Variants in ZPBP observed in about 807,000 individuals in gnomAD.
The protein encoded by ZPBP is zona pellucida-binding protein 1.
A neutral mutation model predicts 44.8 loss-of-function variants in ZPBP; 26 were observed. The ratio of observed to expected loss-of-function variants is 0.58; its 90% confidence interval spans 0.43 to 0.81. The LOEUF (loss-of-function observed/expected upper bound fraction) is 0.81, where lower values mean the gene tolerates loss of function less well. ZPBP is among the 30% of genes least tolerant of loss of function. The pLI is 0.00. For synonymous variants in ZPBP, 174 were observed against 153.2 expected, an observed-to-expected ratio of 1.14 and a Z score of -1.00; for missense variants, 409 against 434.0, an observed-to-expected ratio of 0.94 and a Z score of 0.51.
At chr7:49,912,257 G>T in intron 1 of ZPBP, 1 of 1,478,454 alleles carries the variant, frequency 6.8e-7, no homozygotes, top group Admixed American at 2.0e-5. Context: ...GATGACTCTG[G>T]GAACTATCAG....
chr7:50,017,062 A>T (rs1307412015), intron 6 of ZPBP, among the ~76,000 whole-genome samples: 1 of 152,046 alleles, frequency 6.6e-6, no homozygotes, highest in African/African-American at 2.4e-5. Flanking sequence ...TTCGAGGGTG[A>T]CTCAAGGGCA....
At chr7:49,955,656 A>T (rs1795560194) in intron 7 of ZPBP, among the ~76,000 whole-genome samples, 1 of 152,182 alleles carries the variant, frequency 6.6e-6, no homozygotes, top group Non-Finnish European at 1.5e-5. Context: ...ATGAAATAGA[A>T]ATCAGATAAG....
intron 2 of ZPBP, among the ~76,000 whole-genome samples, chr7:49,858,037 G>A (rs1790498236): frequency 6.6e-6 from 1 of 152,088 alleles, no homozygotes; most frequent in South Asian, 2.1e-4. Context: ...GCTATACATG[G>A]TATTTCTAGT....
intron 2 of ZPBP, among the ~76,000 whole-genome samples, chr7:49,858,911 A>G (rs994674130): frequency 6.6e-6 from 1 of 152,172 alleles, no homozygotes; most frequent in Non-Finnish European, 1.5e-5. Context: ...ATTCATCCAC[A>G]TTGACAAAGG....
intron 2 of ZPBP, among the ~76,000 whole-genome samples, chr7:49,856,775 C>T (rs1790433533): frequency 1.3e-5 from 2 of 151,818 alleles, no homozygotes; most frequent in African/African-American, 2.4e-5. Flanking sequence ...ATTGGGAGGC[C>T]GAGGTGGGCG....
chr7:49,966,253 T>C (rs1796054311), intron 7 of ZPBP, among the ~76,000 whole-genome samples: 1 of 152,044 alleles, frequency 6.6e-6, no homozygotes. Context: ...AAGATTTAAG[T>C]AAAATTAACA....
At chr7:49,860,012 G>T (rs1373378308) in intron 2 of ZPBP, among the ~76,000 whole-genome samples, 1 of 151,596 alleles carries the variant, frequency 6.6e-6, no homozygotes, top group Non-Finnish European at 1.5e-5. Flanking sequence ...ATTTAATTAG[G>T]TACTCTTTAA....
At chr7:49,972,490 T>C (rs1272017382) in intron 7 of ZPBP, among the ~76,000 whole-genome samples, 1 of 151,910 alleles carries the variant, frequency 6.6e-6, no homozygotes, top group African/African-American at 2.4e-5. Flanking sequence ...TACAGTAACA[T>C]TAAAAAGAAT....
chr7:50,018,754 T>G (rs1422065438), intron 5 of ZPBP, among the ~76,000 whole-genome samples: 2 of 151,958 alleles, frequency 1.3e-5, no homozygotes, highest in Non-Finnish European at 2.9e-5. Flanking sequence ...ATCACAATAC[T>G]GGAAAGGGAA....
At chr7:50,021,642 T>C (rs983946001) in intron 5 of ZPBP, among the ~76,000 whole-genome samples, 2 of 152,014 alleles carry the variant, frequency 1.3e-5, no homozygotes, top group Non-Finnish European at 2.9e-5. Flanking sequence ...CCAAATTTGA[T>C]AAAACACATA....
At chr7:50,074,385 G>C (rs752043381) in intron 3 of ZPBP, among the ~76,000 whole-genome samples, 1 of 151,720 alleles carries the variant, frequency 6.6e-6, no homozygotes, top group Non-Finnish European at 1.5e-5. Flanking sequence ...GAGAAAACCA[G>C]AAAACAAATA....
intron 2 of ZPBP, among the ~76,000 whole-genome samples, chr7:49,871,211 AT>A (rs1434118851): frequency 2.0e-5 from 3 of 152,218 alleles, no homozygotes; most frequent in African/African-American, 7.2e-5. Context: ...TATTGTTGGT[AT>A]CTTAATGAGG....
chr7:50,083,762 T>A (rs1024915844), intron 2 of ZPBP, among the ~76,000 whole-genome samples: 1 of 151,978 alleles, frequency 6.6e-6, no homozygotes, highest in African/African-American at 2.4e-5. Flanking sequence ...AAATTATAGT[T>A]AAAAGTTATC....
chr7:50,092,029 T>C (rs560552301), intron 1 of ZPBP, among the ~76,000 whole-genome samples: 10 of 152,296 alleles, frequency 6.6e-5, no homozygotes, highest in African/African-American at 2.2e-4. Flanking sequence ...ACTGTATAAA[T>C]TGTAAAATGC....
chr7:49,891,585 A>G (rs1792130159), intron 2 of ZPBP, among the ~76,000 whole-genome samples: 1 of 152,202 alleles, frequency 6.6e-6, no homozygotes, highest in African/African-American at 2.4e-5. Context: ...ACTATTGCAC[A>G]TCCGCCAGGG....
intron 5 of ZPBP, among the ~76,000 whole-genome samples, chr7:50,029,915 G>A (rs749252777): frequency 2.0e-5 from 3 of 152,160 alleles, no homozygotes; most frequent in Non-Finnish European, 1.5e-5. Context: ...AAGTGCAGTG[G>A]CACGATCTCG....
chr7:49,913,518 T>C (rs1564740), intron 1 of ZPBP: 116,520 of 152,128 alleles, frequency 0.77, 44,820 homozygotes, highest in East Asian at 0.89. Context: ...ATATATATAA[T>C]CATTATTTGA....
chr7:50,059,548 C>T (rs1053038331), intron 3 of ZPBP, among the ~76,000 whole-genome samples: 5 of 152,026 alleles, frequency 3.3e-5, no homozygotes, highest in Admixed American at 1.3e-4. Flanking sequence ...CTTTTATAAA[C>T]GAAGTTAACA....
chr7:49,880,670 C>A (rs138338950), intron 2 of ZPBP, among the ~76,000 whole-genome samples: 3 of 151,482 alleles, frequency 2.0e-5, no homozygotes, highest in Non-Finnish European at 2.9e-5. Flanking sequence ...CATCACACAC[C>A]GGGGCCTGTT....
Sources: gnomAD v4.1 joint callset for allele counts (sites outside exome capture counted in the v4.1 genomes callset) on GRCh38, gnomAD v4.1.1 for gene constraint, MANE v1.5 for transcripts, NCBI Gene and HGNC (gene_info 2026-07-23, HGNC 2026-07-21) for gene names.